Variants in DYNC2I1 observed in about 807,000 individuals in gnomAD.
DYNC2I1 encodes cytoplasmic dynein 2 intermediate chain 1.
In DYNC2I1, 89 loss-of-function variants were observed where a neutral mutation model predicts 133.4. The ratio of observed to expected loss-of-function variants is 0.67; its 90% CI spans 0.56 to 0.80. The LOEUF (loss-of-function observed/expected upper bound fraction) is 0.80. Among genes scored for constraint, DYNC2I1 ranks in the 30% least tolerant of loss-of-function variants. The pLI, the probability that DYNC2I1 is intolerant of heterozygous loss-of-function variation, is 0.00. For missense variants in DYNC2I1, 1,291 were observed against 1,314.5 expected, an observed-to-expected ratio of 0.98 and a Z score of 0.28; for synonymous variants, 504 against 484.3, an observed-to-expected ratio of 1.04 and a Z score of -0.54.
At chr7:158,846,509 G>C in the DYNC2I1 span, among the ~76,000 whole-genome samples, 4 of 152,042 alleles carry the variant, frequency 2.6e-5, no homozygotes, top group Admixed American at 2.6e-4. Flanking sequence ...AATACTGTTA[G>C]TAAAAAAAGG....
intron 8 of DYNC2I1, among the ~76,000 whole-genome samples, chr7:158,895,980 T>A (rs1050257024): frequency 2.0e-5 from 3 of 152,250 alleles, no homozygotes; most frequent in African/African-American, 7.2e-5. Flanking sequence ...CTGTGTTCTG[T>A]GACCTTGCTG....
chr7:158,880,119 C>T lies in DYNC2I1; in HGVS notation c.879+130C>T, dbSNP rs1387519043. On this transcript the variant is annotated intron_variant, in intron 5 of 24. Transcript: ENST00000407559. ...TAGTAGTAGTAATTTAGGAAAAACGCAACTCAAGTCTTGATTACGTGGTTA... is the reference window on the plus strand; with the variant it reads ...TAGTAGTAGTAATTTAGGAAAAACGTAACTCAAGTCTTGATTACGTGGTTA... The T allele has an allele frequency of 7.0e-6, 7 of 995,814 alleles. No homozygotes were observed. In the African/African-American group the frequency reaches 1.2e-4, roughly 16 times the overall value. 61.7% of individuals were successfully genotyped at this position (995,814 alleles called of 1,614,324 possible).
chr7:158,894,955 T>A (rs1845627338), intron 8 of DYNC2I1, among the ~76,000 whole-genome samples: 1 of 152,208 alleles, frequency 6.6e-6, no homozygotes, highest in African/African-American at 2.4e-5. Context: ...TTGTTTGCCA[T>A]CTGTATATCT....
chr7:158,846,949 A>G, the DYNC2I1 span, among the ~76,000 whole-genome samples: 27 of 152,322 alleles, frequency 1.8e-4, no homozygotes, highest in African/African-American at 6.5e-4. Context: ...GTATGTTTCT[A>G]TGTGTCATGT....
chr7:158,948,554 G>A (rs568433021), downstream of DYNC2I1, among the ~76,000 whole-genome samples: 5 of 147,252 alleles, frequency 3.4e-5, no homozygotes, highest in Admixed American at 6.8e-5. Context: ...CATCGCCCCC[G>A]GGTGCTTCGG....
chr7:158,917,432 T>C (rs1848554461), intron 14 of DYNC2I1, among the ~76,000 whole-genome samples: 1 of 54,238 alleles, frequency 1.8e-5, no homozygotes, highest in African/African-American at 9.5e-5. Context: ...CACTCCACCC[T>C]CCGCCTCTCG....
chr7:158,919,190 C>T (rs1273696716), intron 15 of DYNC2I1, among the ~76,000 whole-genome samples: 2 of 152,152 alleles, frequency 1.3e-5, no homozygotes, highest in Non-Finnish European at 2.9e-5. Flanking sequence ...TCCAGTTATT[C>T]AGTTTCTTTT....
chr7:158,883,321 G>A (rs1844238630), intron 5 of DYNC2I1, among the ~76,000 whole-genome samples: 2 of 149,560 alleles, frequency 1.3e-5, no homozygotes, highest in Admixed American at 1.3e-4. Context: ...GGGTTCAAGT[G>A]ATTCTCCTGC....
intron 20 of DYNC2I1, among the ~76,000 whole-genome samples, chr7:158,928,642 C>T (rs1418025188): frequency 1.3e-5 from 2 of 152,180 alleles, no homozygotes; most frequent in African/African-American, 4.8e-5. Context: ...AGCCGTTCTG[C>T]TCTGTGTTGT....
chr7:158,844,396 G>A, the DYNC2I1 span, among the ~76,000 whole-genome samples: 12 of 151,906 alleles, frequency 7.9e-5, no homozygotes, highest in Non-Finnish European at 1.3e-4. Flanking sequence ...CCCTGAGGAG[G>A]TTTTCAGGAG....
chr7:158,865,382 C>T (rs904732217), intron 1 of DYNC2I1, among the ~76,000 whole-genome samples: 18 of 152,304 alleles, frequency 1.2e-4, no homozygotes, highest in Non-Finnish European at 8.8e-5. Flanking sequence ...TCTTACTGTA[C>T]AGTTCTCAAT....
At chr7:158,905,140 C>CTTTTTTTCTT in intron 10 of DYNC2I1, 1 of 335,742 alleles carries the variant, frequency 3.0e-6, no homozygotes, top group Non-Finnish European at 5.6e-6. Flanking sequence ...CTTTCTTTTT[C>CTTTTTTTCTT]TTTTTTTTTT....
intron 2 of DYNC2I1, among the ~76,000 whole-genome samples, chr7:158,870,882 G>T (rs1024422419): frequency 1.3e-5 from 2 of 152,068 alleles, no homozygotes; most frequent in East Asian, 3.8e-4. Flanking sequence ...TTGATTTGCC[G>T]ATCAGTGTGA....
intron 5 of DYNC2I1, among the ~76,000 whole-genome samples, chr7:158,884,266 A>G (rs1764951516): frequency 6.7e-6 from 1 of 149,450 alleles, no homozygotes; most frequent in Non-Finnish European, 1.5e-5. Flanking sequence ...GCTCGTCTAT[A>G]ACTCCCGACC....
chr7:158,891,330 C>G lies in DYNC2I1; in HGVS notation c.1056C>G (p.Thr352=), dbSNP rs528993084. The part of the protein sequence containing the change: ...KLDQRPGGEE[T]VEIEKEETDL... ...ACCAGAGGCCGGGAGGCGAGGAAAC[C>G]GTGGTAAGGAGAGTACGTCTTCTTA... Residue 352 remains threonine, a synonymous_variant, in exon 8 of 25, where the codon ACC becomes ACG. Transcript: ENST00000407559. 5.0e-6 allele frequency: 8 copies of G among 1,613,912 alleles called. No homozygotes were observed. The highest frequency in any genetic ancestry group is 6.8e-6 in the Non-Finnish European group (8 of 1,179,898).
chr7:158,926,148 A>G (rs375125549), intron 17 of DYNC2I1, 39 bp from the exon 18 acceptor site: 2 of 1,492,514 alleles, frequency 1.3e-6, no homozygotes, highest in Non-Finnish European at 1.9e-6. Flanking sequence ...TCTTCAACTT[A>G]CTACTTACAC....
chr7:158,891,699 G>A (rs572721230), intron 8 of DYNC2I1, among the ~76,000 whole-genome samples: 1 of 152,334 alleles, frequency 6.6e-6, no homozygotes. Context: ...CTGTGTGTAA[G>A]TTGAAGAAAG....
At chr7:158,948,165 C>T (rs1037674578), downstream of DYNC2I1, among the ~76,000 whole-genome samples, 11 of 152,130 alleles carry the variant, frequency 7.2e-5, no homozygotes, top group Non-Finnish European at 1.0e-4. Context: ...CTAAAAAACA[C>T]ATTTCACAGC....
rs530105342 is a variant in DYNC2I1, at chr7:158,871,573, G to A, written c.490+11G>A. ...GGAAAGGCCGCTCAGGTGGGTCCCC[G>A]CTTGCCTTCCTGTGGTTCCACCCGA... is the stretch of plus-strand genomic sequence containing the variant. On this transcript the variant is annotated intron_variant, in intron 3 of 24. Transcript: ENST00000407559. 8 of 1,518,040 alleles carry A rather than the reference G, an allele frequency of 5.3e-6. No homozygotes were observed. Among genetic ancestry groups the A allele is most frequent in the African/African-American group, 2.8e-5 (2 of 71,748 alleles). 94.0% of individuals were successfully genotyped at this position (1,518,040 alleles called of 1,614,324 possible).
Sources: gnomAD v4.1 joint callset for allele counts (sites outside exome capture counted in the v4.1 genomes callset) on GRCh38, gnomAD v4.1.1 for gene constraint, MANE v1.5 for transcripts, NCBI Gene and HGNC (gene_info 2026-07-23, HGNC 2026-07-21) for gene names.